The following ASIC2 variants were observed in gnomAD, a reference collection of about 807,000 sequenced individuals.
ASIC2 encodes the protein acid sensing ion channel subunit 2, also known as acid-sensing ion channel 2.
Under a neutral mutation model 57.3 loss-of-function variants are expected in ASIC2, and 25 were observed. That is an observed-to-expected ratio of 0.44 (90% CI 0.32 to 0.61). The LOEUF (loss-of-function observed/expected upper bound fraction) is 0.61, where lower values mean the gene tolerates loss of function less well. Ranked by LOEUF, ASIC2 falls within the 20% of genes least tolerant of loss-of-function variation. The probability of loss-of-function intolerance (pLI) is 0.06; values close to 1 mark genes in which losing one functional copy is unlikely to be tolerated. For synonymous variants in ASIC2, 319 were observed against 307.5 expected (o/e 1.04, Z -0.39); for missense variants, 641 against 738.1 (o/e 0.87, Z 1.52).
intron 1 of ASIC2, among the ~76,000 whole-genome samples, chr17:34,082,397 C>A (rs180944486): frequency 6.6e-6 from 1 of 152,106 alleles, no homozygotes; most frequent in Non-Finnish European, 1.5e-5. Context: ...GTATTACCAT[C>A]GTATCACAAA....
At chr17:34,098,148 C>A (rs1416902650) in intron 1 of ASIC2, among the ~76,000 whole-genome samples, 1 of 152,112 alleles carries the variant, frequency 6.6e-6, no homozygotes, top group Non-Finnish European at 1.5e-5. Context: ...AATTCACAGT[C>A]CAGCGAGGGA....
At chr17:33,721,317 CCT>C (rs1339364590) in intron 1 of ASIC2, among the ~76,000 whole-genome samples, 1 of 152,198 alleles carries the variant, frequency 6.6e-6, no homozygotes, top group Admixed American at 6.5e-5. Flanking sequence ...TTTCAATTCT[CCT>C]CTCTTTCCAA....
chr17:33,252,988 T>A (rs1273416590), intron 1 of ASIC2, among the ~76,000 whole-genome samples: 1 of 152,238 alleles, frequency 6.6e-6, no homozygotes, highest in Non-Finnish European at 1.5e-5. Flanking sequence ...TTTTAATACA[T>A]GAGCTTAACA....
chr17:33,404,221 T>A (rs1395827297), intron 1 of ASIC2, among the ~76,000 whole-genome samples: 1 of 152,120 alleles, frequency 6.6e-6, no homozygotes, highest in African/African-American at 2.4e-5. Context: ...ATGGGATTTG[T>A]TTCTGGGGTG....
intron 1 of ASIC2, among the ~76,000 whole-genome samples, chr17:33,684,327 A>AG (rs1027316471): frequency 6.6e-6 from 1 of 151,380 alleles, no homozygotes; most frequent in Non-Finnish European, 1.5e-5. Context: ...TGGGGTGGGG[A>AG]GGGGGGTGCT....
chr17:34,082,087 T>C (rs1909906543), intron 1 of ASIC2: 1 of 152,146 alleles, frequency 6.6e-6, no homozygotes, highest in Non-Finnish European at 1.5e-5. Flanking sequence ...CCCTCATACT[T>C]TCATCCACGA....
chr17:33,516,037 T>C (rs1914554737), intron 1 of ASIC2, among the ~76,000 whole-genome samples: 1 of 151,920 alleles, frequency 6.6e-6, no homozygotes, highest in Admixed American at 6.6e-5. Context: ...TTGGAGAGGT[T>C]GAGGCTGCAG....
At chr17:33,698,603 A>C (rs1425784380) in intron 1 of ASIC2, among the ~76,000 whole-genome samples, 1 of 152,196 alleles carries the variant, frequency 6.6e-6, no homozygotes, top group Non-Finnish European at 1.5e-5. Flanking sequence ...TTCCCACTGC[A>C]AAACATCACT....
intron 1 of ASIC2, among the ~76,000 whole-genome samples, chr17:33,881,079 C>G (rs542750516): frequency 6.6e-6 from 1 of 152,302 alleles, no homozygotes; most frequent in Admixed American, 6.5e-5. Context: ...GCTAAAAACT[C>G]TCAATAAATT....
At chr17:33,786,198 G>A (rs532734778) in intron 1 of ASIC2, among the ~76,000 whole-genome samples, 2 of 152,218 alleles carry the variant, frequency 1.3e-5, no homozygotes, top group South Asian at 4.1e-4. Flanking sequence ...GCAGGTTCAA[G>A]GGCCATAAAT....
chr17:33,526,662 A>AGGG (rs1236725063), intron 1 of ASIC2, among the ~76,000 whole-genome samples: 1,941 of 152,236 alleles, frequency 0.013, no homozygotes, highest in African/African-American at 0.045. Flanking sequence ...AGGCCCTTAT[A>AGGG]CAGCCAGGGC....
chr17:33,071,509 C>T (rs973361335), intron 3 of ASIC2, among the ~76,000 whole-genome samples: 4 of 152,090 alleles, frequency 2.6e-5, no homozygotes, highest in Non-Finnish European at 4.4e-5. Flanking sequence ...TCCTTGCTGG[C>T]AATTTCTAAT....
At chr17:34,088,157 C>T (rs925035906) in intron 1 of ASIC2, among the ~76,000 whole-genome samples, 1 of 152,100 alleles carries the variant, frequency 6.6e-6, no homozygotes, top group African/African-American at 2.4e-5. Context: ...TGTATTTTTC[C>T]CCATCTTTGT....
intron 1 of ASIC2, among the ~76,000 whole-genome samples, chr17:33,181,224 C>T (rs1471103089): frequency 6.6e-6 from 1 of 152,154 alleles, no homozygotes; most frequent in Non-Finnish European, 1.5e-5. Flanking sequence ...GTCCTTTACC[C>T]TCTCAGCACT....
At chr17:33,702,453 G>A (rs560717683) in intron 1 of ASIC2, among the ~76,000 whole-genome samples, 1 of 152,216 alleles carries the variant, frequency 6.6e-6, no homozygotes, top group South Asian at 2.1e-4. Context: ...TTGAAATCTG[G>A]GCAACCCAAT....
chr17:33,941,114 C>A lies in ASIC2; in HGVS notation c.555+214864G>T, dbSNP rs530793286. On this transcript the variant is annotated intron_variant, in intron 1 of 9. Transcript: ENST00000359872. ...GGGGCCAAGAGCTGATGCAGCATGACCAGTTAGGAGTCTAAGTGCAGGAGC... is the reference window on the plus strand; with the variant it reads ...GGGGCCAAGAGCTGATGCAGCATGAACAGTTAGGAGTCTAAGTGCAGGAGC... 2.6e-5 allele frequency among the ~76,000 whole-genome samples: 4 copies of A among 152,284 alleles called. No individual in the cohort carries two copies. The South Asian group carries it at 8.3e-4, about 32-fold the overall frequency.
intron 2 of ASIC2, among the ~76,000 whole-genome samples, chr17:33,093,277 G>A (rs1310775613): frequency 2.0e-5 from 3 of 152,108 alleles, no homozygotes; most frequent in South Asian, 2.1e-4. Context: ...CCTGATAGTA[G>A]CATCTCAAAC....
intron 1 of ASIC2, among the ~76,000 whole-genome samples, chr17:33,201,487 T>C (rs986806172): frequency 2.0e-5 from 3 of 152,202 alleles, no homozygotes; most frequent in Non-Finnish European, 2.9e-5. Context: ...GCCATGTCAG[T>C]TTACTGTTGC....
intron 1 of ASIC2, among the ~76,000 whole-genome samples, chr17:33,583,387 G>C (rs968072807): frequency 6.6e-6 from 1 of 152,080 alleles, no homozygotes; most frequent in African/African-American, 2.4e-5. Flanking sequence ...GACTTAGAAG[G>C]CCTTATATTA....
Sources: allele counts gnomAD v4.1 joint callset (sites outside exome capture counted in the v4.1 genomes callset), GRCh38; gene constraint gnomAD v4.1.1; transcripts MANE v1.5; gene names NCBI Gene and HGNC (gene_info 2026-07-23, HGNC 2026-07-21).